The following MYO10 variants were observed in gnomAD, a reference collection of about 807,000 sequenced individuals.
MYO10 encodes unconventional myosin-X.
In MYO10, 133 loss-of-function variants were observed where a neutral mutation model predicts 257.3. The ratio of observed to expected loss-of-function variants is 0.52; its 90% CI spans 0.45 to 0.60. The LOEUF is 0.60. Ranked by LOEUF, MYO10 falls within the 20% of genes least tolerant of loss-of-function variation. MYO10 has a pLI of 0.00. For missense variants in MYO10, 2,399 were observed against 2,635.7 expected (o/e 0.91, Z 1.97); for synonymous variants, 1,104 against 1,028.6 (o/e 1.07, Z -1.40).
intron 3 of MYO10, among the ~76,000 whole-genome samples, chr5:16,807,017 A>G (rs143027637): frequency 4.1e-4 from 62 of 152,346 alleles, no homozygotes; most frequent in African/African-American, 1.4e-3. Flanking sequence ...AGAAGATACA[A>G]TTTGAAATGC....
At chr5:16,683,786 GC>G in intron 30 of MYO10, 93 bp downstream of exon 30, 2 of 1,256,704 alleles carry the variant, frequency 1.6e-6, no homozygotes, top group Non-Finnish European at 2.3e-6. Context: ...TGATTTCACA[GC>G]CCTGTGAAGA....
intron 1 of MYO10, among the ~76,000 whole-genome samples, chr5:16,920,509 AG>A (rs1435980808): frequency 1.3e-5 from 2 of 152,140 alleles, no homozygotes; most frequent in African/African-American, 4.8e-5. Flanking sequence ...TGGGGGTTAG[AG>A]GGAGGGAGGC....
chr5:16,873,773 C>T (rs1744512449), intron 2 of MYO10, among the ~76,000 whole-genome samples: 1 of 152,224 alleles, frequency 6.6e-6, no homozygotes. Context: ...ACAGCCTGAG[C>T]TGTACATTGG....
intron 1 of MYO10, among the ~76,000 whole-genome samples, chr5:16,910,693 G>A (rs770613409): frequency 6.6e-6 from 1 of 152,174 alleles, no homozygotes. Flanking sequence ...CCTGCGGGAT[G>A]GGTACAGTTA....
chr5:16,929,088 G>A (rs1477749502), intron 1 of MYO10, among the ~76,000 whole-genome samples: 5 of 151,372 alleles, frequency 3.3e-5, no homozygotes, highest in Admixed American at 6.6e-5. Context: ...GAGTAGCTGG[G>A]ACTACAGGTG....
chr5:16,916,777 C>T (rs554615813), intron 1 of MYO10, among the ~76,000 whole-genome samples: 3 of 152,068 alleles, frequency 2.0e-5, no homozygotes, highest in Admixed American at 1.3e-4. Context: ...TTGGGAGAAA[C>T]GGAAAAGAAA....
At chr5:16,809,850 C>A (rs772312317) in intron 3 of MYO10, among the ~76,000 whole-genome samples, 2 of 152,146 alleles carry the variant, frequency 1.3e-5, no homozygotes, top group Non-Finnish European at 2.9e-5. Context: ...CAGGGAAGAG[C>A]TTCCTCTGGA....
intron 21 of MYO10, among the ~76,000 whole-genome samples, chr5:16,706,168 G>A (rs551574196): frequency 5.0e-4 from 76 of 152,190 alleles, no homozygotes; most frequent in African/African-American, 1.8e-3. Context: ...GGGCAACAGA[G>A]TGAGATTCTG....
intron 1 of MYO10, among the ~76,000 whole-genome samples, chr5:16,911,442 T>C (rs1745653176): frequency 6.6e-6 from 1 of 152,150 alleles, no homozygotes; most frequent in African/African-American, 2.4e-5. Flanking sequence ...TAAAACATTA[T>C]GAGATTTCTG....
At chr5:16,755,004 A>G (rs1740486743) in intron 18 of MYO10, 96 bp from the exon 19 acceptor site, 2 of 732,734 alleles carry the variant, frequency 2.7e-6, no homozygotes, top group Non-Finnish European at 4.2e-6. Context: ...TTTAAAAAAC[A>G]CAATATAAAT....
intron 11 of MYO10, 29 bp downstream of exon 11, chr5:16,766,051 C>T (rs370205202): frequency 4.1e-5 from 62 of 1,528,474 alleles, no homozygotes; most frequent in East Asian, 2.9e-4. Flanking sequence ...TGTCTAGTAA[C>T]GCAAGATCAG....
chr5:16,761,947 A>T (rs1579960951), intron 16 of MYO10, 98 bp downstream of exon 16: 1 of 1,279,782 alleles, frequency 7.8e-7, no homozygotes, highest in East Asian at 2.6e-5. Context: ...GTGAGCCACC[A>T]TGCCCAGCCC....
chr5:16,823,316 G>T (rs966814097), intron 2 of MYO10, among the ~76,000 whole-genome samples: 2 of 147,734 alleles, frequency 1.4e-5, no homozygotes, highest in South Asian at 2.3e-4. Flanking sequence ...ATGGTGGCAC[G>T]TGACGGTAAT....
rs142667493 is a variant in MYO10, at chr5:16,747,701, G to A, written c.1929+7127C>T. On this transcript the variant is annotated intron_variant, in intron 19 of 40. Transcript: ENST00000513610. Reference sequence around the variant, plus strand: ...CGGGAGGCCGAGGCGGGTGGATCACGAGGTCAGGAGATTGAGACCAGTCTG... The same window carrying A: ...CGGGAGGCCGAGGCGGGTGGATCACAAGGTCAGGAGATTGAGACCAGTCTG... Among the ~76,000 whole-genome samples the A allele has an allele frequency of 2.3e-3, 355 of 152,168 alleles. 3 individuals are homozygous for A. The highest frequency in any genetic ancestry group is 7.9e-3 in the African/African-American group (330 of 41,564).
chr5:16,707,367 T>C (rs1738393789), intron 21 of MYO10, among the ~76,000 whole-genome samples: 1 of 152,190 alleles, frequency 6.6e-6, no homozygotes, highest in Non-Finnish European at 1.5e-5. Context: ...ACCTAGTGAC[T>C]GGGAATGTGG....
At chr5:16,899,699 G>A (rs541886143) in intron 1 of MYO10, among the ~76,000 whole-genome samples, 10 of 151,402 alleles carry the variant, frequency 6.6e-5, no homozygotes, top group African/African-American at 2.4e-4. Flanking sequence ...TACAGGTCCA[G>A]TGTATAAAAT....
chr5:16,762,652 A>T lies in MYO10; in HGVS notation c.1495-15T>A, dbSNP rs1473648784. ...AGGCCAAGTTTCTAGAAGAAGAAAA[A>T]GAAAAAATGAATTAAAAGTTGAATG... On this transcript the variant is annotated splice_polypyrimidine_tract_variant and intron_variant, in intron 14 of 40. Transcript: ENST00000513610. 6.4e-7 allele frequency: 1 copy of T among 1,561,190 alleles called. No homozygotes were observed. Among genetic ancestry groups the T allele is most frequent in the Non-Finnish European group, 8.7e-7 (1 of 1,146,248 alleles).
chr5:16,764,427 TG>T, intron 11 of MYO10, 31 bp from the exon 12 acceptor site: 1 of 1,611,440 alleles, frequency 6.2e-7, no homozygotes, highest in Non-Finnish European at 8.5e-7. Flanking sequence ...CAGACTCAGC[TG>T]ACCCCGGGCA....
intron 2 of MYO10, among the ~76,000 whole-genome samples, chr5:16,860,279 T>C (rs1744071168): frequency 1.3e-5 from 2 of 152,086 alleles, no homozygotes; most frequent in South Asian, 4.1e-4. Context: ...GGGCAGGAAG[T>C]AGCTCGACTG....
Sources: gnomAD v4.1 joint callset for allele counts (sites outside exome capture counted in the v4.1 genomes callset) on GRCh38, gnomAD v4.1.1 for gene constraint, MANE v1.5 for transcripts, NCBI Gene and HGNC (gene_info 2026-07-23, HGNC 2026-07-21) for gene names.